Variants in SLC30A10 observed in about 807,000 individuals in gnomAD.
SLC30A10 encodes calcium/manganese antiporter SLC30A10.
A neutral mutation model predicts 21.7 loss-of-function variants in SLC30A10; 8 were observed. That is an observed-to-expected ratio of 0.37 (90% confidence interval 0.22 to 0.67). SLC30A10 has a LOEUF of 0.67. SLC30A10 is among the 30% of genes least tolerant of loss of function. The pLI, the probability that SLC30A10 is intolerant of heterozygous loss-of-function variation, is 0.58. For synonymous variants in SLC30A10, 272 were observed against 279.4 expected (o/e 0.97, Z 0.26); for missense variants, 521 against 642.5 (o/e 0.81, Z 2.04).
At chr1:219,949,097 A>T (rs1210501629) in intron 1 of SLC30A10, among the ~76,000 whole-genome samples, 1 of 152,198 alleles carries the variant, frequency 6.6e-6, no homozygotes, top group Non-Finnish European at 1.5e-5. Context: ...ATCATTAAAA[A>T]GTCAGGAAAC....
In SLC30A10 at chr1:219,912,455, A is replaced by G. The variant is rs1436772677; in HGVS notation, c.*2994T>C. ...ACTGTTTCTGTAGAAACAGAAGTGC[A>G]GTAGGGCCGTGTAGAAGGCCAGGTG... On this transcript the variant is annotated 3_prime_UTR_variant, in exon 4 of 4. Transcript: ENST00000366926. Among the ~76,000 whole-genome samples the G allele has an allele frequency of 6.6e-6, 1 of 152,218 alleles. No homozygotes were observed. Among genetic ancestry groups the G allele is most frequent in the Non-Finnish European group, 1.5e-5 (1 of 68,032 alleles).
chr1:219,934,487 T>C (rs929786973), intron 1 of SLC30A10, among the ~76,000 whole-genome samples: 7 of 151,558 alleles, frequency 4.6e-5, no homozygotes, highest in Non-Finnish European at 1.0e-4. Context: ...AAGAAAAGCA[T>C]AGTTTGAAAG....
intron 1 of SLC30A10, among the ~76,000 whole-genome samples, chr1:219,953,891 A>T (rs1660307812): frequency 6.6e-6 from 1 of 151,106 alleles, no homozygotes; most frequent in South Asian, 2.1e-4. Flanking sequence ...TATATTTAGT[A>T]GAGATGGGGT....
intron 1 of SLC30A10, among the ~76,000 whole-genome samples, chr1:219,934,305 C>T (rs777206019): frequency 7.3e-5 from 11 of 151,126 alleles, no homozygotes; most frequent in Non-Finnish European, 1.2e-4. Flanking sequence ...CAAAAAAATA[C>T]CAAAAAAATT....
intron 1 of SLC30A10, among the ~76,000 whole-genome samples, chr1:219,939,334 A>G (rs1316935256): frequency 6.6e-6 from 1 of 152,218 alleles, no homozygotes; most frequent in Non-Finnish European, 1.5e-5. Context: ...AATGCCATCC[A>G]AAATAAATGC....
At chr1:219,920,906 G>A (rs1302415706) in intron 2 of SLC30A10, among the ~76,000 whole-genome samples, 4 of 152,078 alleles carry the variant, frequency 2.6e-5, no homozygotes, top group Non-Finnish European at 5.9e-5. Context: ...AGGGCCCCAG[G>A]GAAGACCCCC....
intron 1 of SLC30A10, among the ~76,000 whole-genome samples, chr1:219,956,120 C>G (rs968384509): frequency 6.6e-6 from 1 of 152,154 alleles, no homozygotes; most frequent in African/African-American, 2.4e-5. Flanking sequence ...AGCCAAACAG[C>G]TGTCCTAAAG....
chr1:219,949,639 T>C (rs1266152726), intron 1 of SLC30A10, among the ~76,000 whole-genome samples: 6 of 152,116 alleles, frequency 3.9e-5, no homozygotes, highest in South Asian at 2.1e-4. Flanking sequence ...TTAGGAGATA[T>C]ACCTAATGCT....
intron 3 of SLC30A10, 131 bp from the exon 4 acceptor site, chr1:219,916,079 A>C: frequency 8.8e-7 from 1 of 1,133,862 alleles, no homozygotes; most frequent in Non-Finnish European, 1.2e-6. Context: ...AGCTGGAAGA[A>C]ATTAGTTCTA....
At chr1:219,950,694 G>T (rs570633475) in intron 1 of SLC30A10, among the ~76,000 whole-genome samples, 11 of 151,772 alleles carry the variant, frequency 7.2e-5, no homozygotes, top group African/African-American at 2.7e-4. Flanking sequence ...TCATGCCCAT[G>T]ATCCCGGTAC....
intron 1 of SLC30A10, among the ~76,000 whole-genome samples, chr1:219,944,614 T>C (rs1315708735): frequency 1.3e-5 from 2 of 152,004 alleles, no homozygotes; most frequent in Non-Finnish European, 2.9e-5. Context: ...TAGGAAAAGA[T>C]AAAGGGAGGT....
rs370544496 is a variant in SLC30A10, at chr1:219,921,497, C to G, written c.719-3003G>C. On this transcript the variant is annotated intron_variant, in intron 2 of 3. Coordinates refer to ENST00000366926, the MANE Select transcript of SLC30A10 (RefSeq NM_018713.3). The stretch of plus-strand genomic sequence containing the variant: ...CTTCTGAGAAATCCCACTATTACCC[C>G]CTAAGAATTACATAAAATAGTAACT... Among the ~76,000 whole-genome samples, 30 of 152,188 alleles carry G rather than the reference C, an allele frequency of 2.0e-4. 1 individual carries two copies. The East Asian group carries it at 5.4e-3, about 27-fold the overall frequency.
At chr1:219,941,008 A>C (rs1474244890) in intron 1 of SLC30A10, among the ~76,000 whole-genome samples, 2 of 152,216 alleles carry the variant, frequency 1.3e-5, no homozygotes, top group Admixed American at 1.3e-4. Flanking sequence ...TGACAAAGTA[A>C]AAGGAAGAAA....
intron 1 of SLC30A10, among the ~76,000 whole-genome samples, chr1:219,955,313 T>C (rs1452098124): frequency 6.6e-6 from 1 of 152,188 alleles, no homozygotes; most frequent in Non-Finnish European, 1.5e-5. Context: ...ACTTTGCCTC[T>C]CACTTTAGCC....
At chr1:219,933,101 A>G (rs890528778), upstream of SLC30A10, among the ~76,000 whole-genome samples, 4 of 151,818 alleles carry the variant, frequency 2.6e-5, no homozygotes, top group Admixed American at 2.0e-4. Context: ...ATAGTGGTCA[A>G]TACTAATTTG....
chr1:219,939,601 T>C (rs374377690), intron 1 of SLC30A10, among the ~76,000 whole-genome samples: 24 of 152,258 alleles, frequency 1.6e-4, no homozygotes, highest in East Asian at 1.2e-3. Context: ...AGCTGATTTT[T>C]GTATTTTTAG....
intron 1 of SLC30A10, among the ~76,000 whole-genome samples, chr1:219,935,672 C>G (rs79220751): frequency 2.9e-3 from 445 of 152,288 alleles, no homozygotes; most frequent in African/African-American, 0.01. Flanking sequence ...TTGCATAGTT[C>G]CTTTAGTGGA....
chr1:219,925,681 A>C lies in SLC30A10; in HGVS notation c.718+1347T>G, dbSNP rs1224751780. ...TTTTTTTTTTTTTTTTTTGAGACAG[A>C]ATCTAGCTCAGTCTCCCAGGCTGGA... On this transcript the variant is annotated intron_variant, in intron 2 of 3. Coordinates refer to ENST00000366926, the MANE Select transcript of SLC30A10 (RefSeq NM_018713.3). Among the ~76,000 whole-genome samples the C allele has an allele frequency of 5.3e-4, 37 of 69,186 alleles. 1 individual carries two copies. The highest frequency in any genetic ancestry group is 9.1e-4 in the Non-Finnish European group (34 of 37,492). 45.4% of individuals were successfully genotyped at this position (69,186 alleles called of 152,430 possible).
At chr1:219,936,842 T>C (rs1660052240) in intron 1 of SLC30A10, among the ~76,000 whole-genome samples, 2 of 152,222 alleles carry the variant, frequency 1.3e-5, no homozygotes, top group South Asian at 4.1e-4. Context: ...TTATATTTCA[T>C]TGACAGTTTC....
Sources: allele counts gnomAD v4.1 joint callset (sites outside exome capture counted in the v4.1 genomes callset), GRCh38; gene constraint gnomAD v4.1.1; transcripts MANE v1.5; gene names NCBI Gene and HGNC (gene_info 2026-07-23, HGNC 2026-07-21).